The following NCOA1 variants were observed in gnomAD, a reference collection of about 807,000 sequenced individuals.
The protein encoded by NCOA1 is Hin-2 protein.
NCOA1 carries 35 observed loss-of-function variants against 150.9 expected under a neutral mutation model. That is an observed-to-expected ratio of 0.23 (90% CI 0.18 to 0.31). NCOA1 has a LOEUF of 0.31. Ranked by LOEUF, NCOA1 falls within the 10% of genes least tolerant of loss-of-function variation. The pLI is 1.00. For missense variants in NCOA1, 1,491 were observed against 1,749.3 expected (o/e 0.85, Z 2.63); for synonymous variants, 590 against 630.0 (o/e 0.94, Z 0.95).
chr2:24,749,346 GATAGCACTAC>G (rs1284573190), intron 19 of NCOA1, among the ~76,000 whole-genome samples: 2 of 152,184 alleles, frequency 1.3e-5, no homozygotes, highest in African/African-American at 4.8e-5. Flanking sequence ...TACCAGAGAG[GATAGCACTAC>G]ACAGAGAATT....
At chr2:24,699,479 G>A (rs746503071) in intron 11 of NCOA1, among the ~76,000 whole-genome samples, 2 of 152,170 alleles carry the variant, frequency 1.3e-5, no homozygotes. Flanking sequence ...AAATAATTTA[G>A]AGTAAAATGT....
chr2:24,671,960 AATG>A (rs1185439615), intron 6 of NCOA1, among the ~76,000 whole-genome samples: 8 of 152,330 alleles, frequency 5.3e-5, no homozygotes, highest in African/African-American at 1.9e-4. Flanking sequence ...TTTAGGGAAT[AATG>A]ATGAAAAAAT....
chr2:24,697,825 C>A, intron 11 of NCOA1, 27 bp downstream of exon 11: 1 of 1,593,384 alleles, frequency 6.3e-7, no homozygotes, highest in South Asian at 1.1e-5. Flanking sequence ...CAATTATTTT[C>A]ATTAACCCTT....
At chr2:24,732,472 AC>A (rs1663067198) in intron 17 of NCOA1, among the ~76,000 whole-genome samples, 1 of 152,210 alleles carries the variant, frequency 6.6e-6, no homozygotes, top group Non-Finnish European at 1.5e-5. Flanking sequence ...ATAAGTTCTT[AC>A]TGTTTCAGCA....
chr2:24,491,736 C>G (rs998989969), intron 1 of NCOA1, among the ~76,000 whole-genome samples, 134 bp downstream of exon 1: 1 of 151,358 alleles, frequency 6.6e-6, no homozygotes, highest in African/African-American at 2.4e-5. Context: ...CCGCTCCATC[C>G]TCCTCCCACT....
chr2:24,718,892 G>C (rs2148620167), intron 14 of NCOA1, among the ~76,000 whole-genome samples: 1 of 150,306 alleles, frequency 6.7e-6, no homozygotes, highest in African/African-American at 2.4e-5. Flanking sequence ...AGCCAGGTGT[G>C]GTGGCGGGCG....
chr2:24,539,083 A>G (rs757863412), intron 1 of NCOA1, among the ~76,000 whole-genome samples: 1 of 152,214 alleles, frequency 6.6e-6, no homozygotes, highest in African/African-American at 2.4e-5. Context: ...AACAACCACT[A>G]TTAATAACTT....
intron 14 of NCOA1, among the ~76,000 whole-genome samples, chr2:24,715,484 C>T (rs1485301812): frequency 6.6e-6 from 1 of 151,902 alleles, no homozygotes; most frequent in African/African-American, 2.4e-5. Flanking sequence ...TATAAGTGTC[C>T]TGCATGTAGA....
intron 3 of NCOA1, among the ~76,000 whole-genome samples, chr2:24,596,164 A>G (rs779387646): frequency 6.6e-6 from 1 of 152,230 alleles, no homozygotes; most frequent in Non-Finnish European, 1.5e-5. Flanking sequence ...GGATTAAACT[A>G]CAGTATCATT....
chr2:24,681,266 A>T (rs938791305), intron 7 of NCOA1, among the ~76,000 whole-genome samples: 1 of 152,206 alleles, frequency 6.6e-6, no homozygotes, highest in Non-Finnish European at 1.5e-5. Flanking sequence ...TGGGAGGCTG[A>T]AGCAGGAGTA....
At chr2:24,601,128 T>C (rs1044926837) in intron 3 of NCOA1, among the ~76,000 whole-genome samples, 1 of 152,178 alleles carries the variant, frequency 6.6e-6, no homozygotes, top group Non-Finnish European at 1.5e-5. Context: ...TTAAATGCTG[T>C]TCATTTATAA....
intron 3 of NCOA1, among the ~76,000 whole-genome samples, chr2:24,637,844 C>T (rs866002819): frequency 6.6e-6 from 1 of 152,058 alleles, no homozygotes; most frequent in African/African-American, 2.4e-5. Flanking sequence ...TAAAGGCATG[C>T]GCCACCATGT....
intron 3 of NCOA1, among the ~76,000 whole-genome samples, chr2:24,638,439 A>G (rs757156104): frequency 6.6e-6 from 1 of 152,104 alleles, no homozygotes; most frequent in Non-Finnish European, 1.5e-5. Flanking sequence ...GTTGCAGTCA[A>G]CATGGTAGTG....
At chr2:24,693,751 T>A (rs1672774877) in intron 10 of NCOA1, among the ~76,000 whole-genome samples, 1 of 152,116 alleles carries the variant, frequency 6.6e-6, no homozygotes, top group Non-Finnish European at 1.5e-5. Flanking sequence ...TAATTCTTTT[T>A]CTTTAAATTT....
chr2:24,740,889 T>G (rs924140421), intron 18 of NCOA1, among the ~76,000 whole-genome samples: 1 of 152,190 alleles, frequency 6.6e-6, no homozygotes, highest in Non-Finnish European at 1.5e-5. Flanking sequence ...ATTGACATTT[T>G]CTGAAGAAGG....
chr2:24,700,718 T>A lies in NCOA1; in HGVS notation c.949+2920T>A, dbSNP rs374643946. ...CAGGTTCTGTTCAATTCAAAACTAT[T>A]ACTTTAAAGAAATATCTAGGTCATG... is the stretch of plus-strand genomic sequence containing the variant. On this transcript the variant is annotated intron_variant, in intron 11 of 22. Coordinates refer to ENST00000348332, the MANE Select transcript of NCOA1 (RefSeq NM_003743.5). Among the ~76,000 whole-genome samples the A allele has an allele frequency of 2.0e-5, 3 of 152,326 alleles. No individual in the cohort carries two copies. In the East Asian group the frequency reaches 5.8e-4, roughly 29 times the overall value.
chr2:24,666,024 T>C (rs1671408413), intron 6 of NCOA1, 109 bp downstream of exon 6: 4 of 684,544 alleles, frequency 5.8e-6, no homozygotes, highest in Non-Finnish European at 7.5e-6. Context: ...ATTATTATTA[T>C]TTTTTGAGAT....
intron 19 of NCOA1, among the ~76,000 whole-genome samples, 159 bp from the exon 20 acceptor site, chr2:24,751,823 G>T (rs1308178520): frequency 6.6e-6 from 1 of 152,096 alleles, no homozygotes; most frequent in Non-Finnish European, 1.5e-5. Context: ...TCCATGCTCT[G>T]TTGAATGCGA....
chr2:24,492,035 T>G (rs1197257336), intron 1 of NCOA1: 1 of 151,936 alleles, frequency 6.6e-6, no homozygotes, highest in African/African-American at 2.4e-5. Flanking sequence ...CGCCGTGACC[T>G]TGGCCGGCCC....
Sources: gnomAD v4.1 joint callset for allele counts (sites outside exome capture counted in the v4.1 genomes callset) on GRCh38, gnomAD v4.1.1 for gene constraint, MANE v1.5 for transcripts, NCBI Gene and HGNC (gene_info 2026-07-23, HGNC 2026-07-21) for gene names.